FUT6: variants seen among roughly 807,000 people sequenced by gnomAD.
FUT6 encodes 4-galactosyl-N-acetylglucosaminide 3-alpha-L-fucosyltransferase FUT6.
For missense variants in FUT6, 454 were observed against 494.6 expected, an observed-to-expected ratio of 0.92 and a Z score of 0.78; for synonymous variants, 187 against 209.9, an observed-to-expected ratio of 0.89 and a Z score of 0.94.
At chr19:5,833,029 C>T (rs1036183924) in intron 2 of FUT6, 1 of 194,514 alleles carries the variant, frequency 5.1e-6, no homozygotes, top group Non-Finnish European at 1.1e-5. Context: ...AAGAGCTCAC[C>T]AGATAGAGTA....
chr19:5,835,310 C>A (rs2057164816), intron 1 of FUT6, among the ~76,000 whole-genome samples: 1 of 152,158 alleles, frequency 6.6e-6, no homozygotes. Flanking sequence ...TACAGCTGTC[C>A]ATTCTACAGA....
chr19:5,832,641 C>G lies in FUT6; in HGVS notation c.-12-62G>C. The G allele has an allele frequency of 7.8e-7, 1 of 1,284,394 alleles. No individual in the cohort carries two copies. Among genetic ancestry groups the G allele is most frequent in the Admixed American group, 1.7e-5 (1 of 58,880 alleles). The allele number at this position is 1,284,394 out of a possible 1,614,324, so 79.6% of individuals were successfully genotyped here. On this transcript the variant is annotated intron_variant, in intron 2 of 2. Coordinates refer to ENST00000318336, the MANE Select transcript of FUT6 (RefSeq NM_000150.4). The surrounding 1 kb of genome is among the most constrained non-coding windows in gnomAD (Gnocchi z 4.3). ...GACAATCTCCTGCTTACCAAAGCTC[C>G]AGGCCATGAGTCCTGAGAAGAGCTG...
chr19:5,832,297 T>G lies in FUT6; in HGVS notation c.271A>C (p.Asn91His), dbSNP rs894883218. 14 of 1,613,842 alleles carry G rather than the reference T, an allele frequency of 8.7e-6. No homozygotes were observed. The highest frequency in any genetic ancestry group is 1.1e-5 in the Non-Finnish European group (13 of 1,179,992). ...SEMVPGTADC[N>H]ITADRKVYPQ... ...TACACCTTGCGGTCGGCAGTGATGT[T>G]GCAGTCAGCCGTGCCAGGCACCATC... The change falls in exon 3 of 3, where the codon AAC (asparagine) becomes CAC (histidine). Residue 91 changes from asparagine to histidine, a missense_variant. Asn to His is a moderately conservative substitution (Grantham distance 68). Coordinates refer to ENST00000318336, the MANE Select transcript of FUT6 (RefSeq NM_000150.4). This position sits in a 1 kb window ranked among gnomAD's most constrained non-coding sequence, Gnocchi z 4.3.
At chr19:5,836,520 G>C (rs2057182690) in intron 1 of FUT6, among the ~76,000 whole-genome samples, 1 of 152,032 alleles carries the variant, frequency 6.6e-6, no homozygotes. Context: ...CCGGCCCAAT[G>C]CTAATTTAAA....
At position 5,832,093 on chromosome 19, in the gene FUT6, G is replaced by A. The variant is rs377682351; in HGVS notation, c.475C>T (p.Arg159Cys). 5.6e-6 allele frequency: 9 copies of A among 1,613,460 alleles called. No individual in the cohort carries two copies. The highest frequency in any genetic ancestry group is 1.7e-5 in the Admixed American group (1 of 59,998). Residue 159 changes from arginine to cysteine, a missense_variant, in exon 3 of 3, where the codon CGC becomes TGC. Arg to Cys is a radical substitution (Grantham distance 180). Transcript: ENST00000318336. This position sits in a 1 kb window ranked among gnomAD's most constrained non-coding sequence, Gnocchi z 4.3. ...GGCGTGAAGATGTCGGAGTCGCTGC[G>A]GTAGGACATGGTGAGATTGAAGTAT... ...DGYFNLTMSY[R>C]SDSDIFTPYG...
At chr19:5,835,940 G>A (rs1427818042) in intron 1 of FUT6, among the ~76,000 whole-genome samples, 1 of 152,126 alleles carries the variant, frequency 6.6e-6, no homozygotes, top group Non-Finnish European at 1.5e-5. Context: ...CCAGACTGGA[G>A]TGCAGTGGTG....
rs915577127 is a variant in FUT6, at chr19:5,830,965, C to A, written c.*523G>T. ...ACGGTGCGGTGATTATCTCTCTGCA[C>A]CCCTCACAGGCGGCTAACAACATCA... On this transcript the variant is annotated 3_prime_UTR_variant, in exon 3 of 3. Transcript: ENST00000318336. The A allele has an allele frequency of 2.7e-6, 1 of 367,594 alleles. No homozygotes were observed. Among genetic ancestry groups the A allele is most frequent in the Non-Finnish European group, 5.2e-6 (1 of 193,084 alleles). The allele number at this position is 367,594 out of a possible 1,614,324, so 22.8% of individuals were successfully genotyped here. A position where few individuals can be genotyped will look rare whatever the true frequency, so the allele number is the denominator to read the frequency against.
At chr19:5,834,306 C>A (rs1261309103) in intron 2 of FUT6, 1 of 150,018 alleles carries the variant, frequency 6.7e-6, no homozygotes, top group African/African-American at 2.5e-5. Flanking sequence ...TGGGGACTCA[C>A]ATGCTGACCA....
chr19:5,831,282 T>A lies in FUT6; in HGVS notation c.*206A>T, dbSNP rs2057086425. On this transcript the variant is annotated 3_prime_UTR_variant, in exon 3 of 3. Transcript: ENST00000318336. The surrounding 1 kb of genome is among the most constrained non-coding windows in gnomAD (Gnocchi z 7.0). ...AGGGACATACCTGGCCACCGAAGAC[T>A]CCAGCAGGTGAGGCCCCAGGAAAGT... The A allele has an allele frequency of 8.5e-7, 1 of 1,173,722 alleles. No homozygotes were observed. Among genetic ancestry groups the A allele is most frequent in the African/African-American group, 1.5e-5 (1 of 66,436 alleles). 72.7% of individuals were successfully genotyped at this position (1,173,722 alleles called of 1,614,324 possible).
chr19:5,836,749 G>T lies in FUT6; in HGVS notation c.-140-1672C>A, dbSNP rs138417949. 8.6e-3 allele frequency among the ~76,000 whole-genome samples: 1,305 copies of T among 152,186 alleles called. 48 individuals carry two copies. The highest frequency in any genetic ancestry group is 0.077 in the Admixed American group (1,176 of 15,260). On this transcript the variant is annotated intron_variant, in intron 1 of 2. Transcript: ENST00000318336. ...AGTCTCAGCTACTCAGGATGCTGAG[G>T]CAGGAGGATTTCTGGAGCCCAGAAG...
At chr19:5,836,677 G>A (rs574003214) in intron 1 of FUT6, among the ~76,000 whole-genome samples, 13 of 152,064 alleles carry the variant, frequency 8.5e-5, no homozygotes, top group Admixed American at 3.9e-4. Context: ...TCTCTACAAC[G>A]AATTTTATTA....
chr19:5,833,226 G>T (rs898738204), intron 2 of FUT6, among the ~76,000 whole-genome samples: 1 of 152,230 alleles, frequency 6.6e-6, no homozygotes, highest in African/African-American at 2.4e-5. Context: ...GCCATGCGCG[G>T]TGGTTCATGC....
intron 1 of FUT6, among the ~76,000 whole-genome samples, chr19:5,835,371 CA>C (rs1402251288): frequency 6.6e-6 from 1 of 152,198 alleles, no homozygotes; most frequent in African/African-American, 2.4e-5. Context: ...TGAGTACACA[CA>C]ACTAGAGCCA....
rs2057224609 is a variant in FUT6 at position 5,839,603 on chromosome 19, C to G, written c.-1067G>C. 1 of 152,320 alleles carries G rather than the reference C, an allele frequency of 6.6e-6. No individual in the cohort carries two copies. The highest frequency in any genetic ancestry group is 6.5e-5 in the Admixed American group (1 of 15,274). The allele number at this position is 152,320 out of a possible 1,614,324, so 9.4% of individuals were successfully genotyped here. On this transcript the variant is annotated 5_prime_UTR_variant, in exon 1 of 3. Coordinates refer to ENST00000318336, the MANE Select transcript of FUT6 (RefSeq NM_000150.4). ...CAGAAGCTTCCTCCGGTGGCCTCAA[C>G]AAGCCCCTCTGTGTGCCTCAAAGCC...
intron 1 of FUT6, among the ~76,000 whole-genome samples, chr19:5,837,087 G>C (rs2057190418): frequency 6.6e-6 from 1 of 152,008 alleles, no homozygotes; most frequent in African/African-American, 2.4e-5. Context: ...ACCCAGGCTG[G>C]AGCACAGTGG....
chr19:5,831,730 A>G lies in FUT6; in HGVS notation c.838T>C (p.Tyr280His), dbSNP rs2057097221. 1 of 1,611,462 alleles carries G rather than the reference A, an allele frequency of 6.2e-7. No individual in the cohort carries two copies. The highest frequency in any genetic ancestry group is 8.5e-7 in the Non-Finnish European group (1 of 1,179,068). ...PVVLGPSRSN[Y>H]ERFLPPDAFI... Reference sequence around the variant, plus strand: ...GCGTCGGGTGGCAGGAACCTCTCGTAGTTGCTTCTGCTGGGGCCCAGCACC... The same window carrying G: ...GCGTCGGGTGGCAGGAACCTCTCGTGGTTGCTTCTGCTGGGGCCCAGCACC... The change falls in exon 3 of 3, where the codon TAC (tyrosine) becomes CAC (histidine). Residue 280 changes from tyrosine to histidine, a missense_variant. Tyr to His is a moderately conservative substitution (Grantham distance 83). Coordinates refer to ENST00000318336, the MANE Select transcript of FUT6 (RefSeq NM_000150.4). This position sits in a 1 kb window ranked among gnomAD's most constrained non-coding sequence, Gnocchi z 7.0.
chr19:5,838,538 G>A (rs1044068456), intron 1 of FUT6, 139 bp downstream of exon 1: 1 of 152,346 alleles, frequency 6.6e-6, no homozygotes, highest in Non-Finnish European at 1.5e-5. Flanking sequence ...CCTCCCCCAG[G>A]GATCTTGTGC....
At chr19:5,836,195 G>A (rs1432939533) in intron 1 of FUT6, among the ~76,000 whole-genome samples, 1 of 76,854 alleles carries the variant, frequency 1.3e-5, no homozygotes, top group Non-Finnish European at 2.7e-5. Context: ...TGCCCGGCCT[G>A]GCTAATGTTA....
chr19:5,830,986 C>T lies in FUT6; in HGVS notation c.*502G>A. On this transcript the variant is annotated 3_prime_UTR_variant, in exon 3 of 3. Coordinates refer to ENST00000318336, the MANE Select transcript of FUT6 (RefSeq NM_000150.4). ...TGCACCCCTCACAGGCGGCTAACAA[C>T]ATCACAAACAAATCAGCCAGAACCA... The T allele has an allele frequency of 2.4e-6, 1 of 411,298 alleles. No homozygotes were observed. Among genetic ancestry groups the T allele is most frequent in the Non-Finnish European group, 4.6e-6 (1 of 219,630 alleles). The allele number at this position is 411,298 out of a possible 1,614,324, so 25.5% of individuals were successfully genotyped here.
Sources: gnomAD v4.1 joint callset for allele counts (sites outside exome capture counted in the v4.1 genomes callset) on GRCh38, gnomAD v4.1.1 for gene constraint, Gnocchi (gnomAD v3.1) non-coding constraint, MANE v1.5 for transcripts, NCBI Gene and HGNC (gene_info 2026-07-23, HGNC 2026-07-21) for gene names.